The following GSE1 variants were observed in gnomAD, a reference collection of about 807,000 sequenced individuals.
The protein encoded by GSE1 is Gse1 coiled-coil protein.
GSE1 carries 32 observed loss-of-function variants against 112.6 expected under a neutral mutation model. The observed-to-expected ratio is 0.28, with a 90% confidence interval of 0.21 to 0.38. The LOEUF is 0.38. Among genes scored for constraint, GSE1 ranks in the 10% least tolerant of loss-of-function variants. The probability of loss-of-function intolerance (pLI) is 1.00; values close to 1 mark genes in which losing one functional copy is unlikely to be tolerated. For synonymous variants in GSE1, 1,115 were observed against 735.6 expected, an observed-to-expected ratio of 1.52 and a Z score of -8.35; for missense variants, 2,348 against 1,699.2, an observed-to-expected ratio of 1.38 and a Z score of -6.71.
intron 14 of GSE1, among the ~76,000 whole-genome samples, chr16:85,669,824 T>G (rs777723347): frequency 6.6e-6 from 1 of 152,230 alleles, no homozygotes; most frequent in Non-Finnish European, 1.5e-5. Context: ...CCAGTTGTCC[T>G]GGCAATGTGT....
intron 1 of GSE1, among the ~76,000 whole-genome samples, chr16:85,279,694 G>C (rs1315803081): frequency 6.6e-6 from 1 of 152,152 alleles, no homozygotes; most frequent in African/African-American, 2.4e-5. Context: ...GTGCTGCCCG[G>C]CCTGCTCCAT....
intron 2 of GSE1, among the ~76,000 whole-genome samples, chr16:85,429,822 T>A (rs1459121736): frequency 6.6e-6 from 1 of 152,204 alleles, no homozygotes. Flanking sequence ...ATTCCTCGAT[T>A]TTCCATTTTT....
intron 1 of GSE1, among the ~76,000 whole-genome samples, chr16:85,237,937 G>T (rs1285991694): frequency 6.6e-6 from 1 of 152,216 alleles, no homozygotes; most frequent in Non-Finnish European, 1.5e-5. Context: ...CATGAACAGG[G>T]CCTGGGACAT....
At chr16:85,229,712 G>A (rs1345003883) in intron 1 of GSE1, among the ~76,000 whole-genome samples, 1 of 152,230 alleles carries the variant, frequency 6.6e-6, no homozygotes, top group African/African-American at 2.4e-5. Flanking sequence ...CCAATATTCA[G>A]TGAGAGTGGA....
intron 3 of GSE1, among the ~76,000 whole-genome samples, chr16:85,653,766 C>T (rs1328599746): frequency 6.6e-6 from 1 of 152,218 alleles, no homozygotes; most frequent in African/African-American, 2.4e-5. Flanking sequence ...TTCCTTTGCC[C>T]CTGCCCTCCA....
chr16:85,624,969 G>A (rs1461089593), intron 1 of GSE1, among the ~76,000 whole-genome samples: 1 of 152,226 alleles, frequency 6.6e-6, no homozygotes. Flanking sequence ...CTTACGTAAA[G>A]GGAAGTAAGG....
intron 13 of GSE1, 27 bp from the exon 14 acceptor site, chr16:85,668,113 C>G: frequency 6.5e-7 from 1 of 1,527,840 alleles, no homozygotes; most frequent in Non-Finnish European, 8.8e-7. Flanking sequence ...CCCCAACACA[C>G]TGATGCAAGC....
At position 85,257,457 on chromosome 16, in the gene GSE1, T is replaced by C. The variant is rs1907207465; in HGVS notation, c.2283+85650T>C. Among the ~76,000 whole-genome samples the C allele has an allele frequency of 3.3e-5, 5 of 152,220 alleles. No individual in the cohort carries two copies. In the South Asian group the frequency reaches 1.0e-3, roughly 32 times the overall value. On this transcript the variant is annotated intron_variant, in intron 1 of 2. Transcript: ENST00000637419. ...ATTTCCCCAGGAGCTCATTCCCTTA[T>C]ATTTTATCCAACTTCAAGCCGGAGC... is the stretch of plus-strand genomic sequence containing the variant.
intron 1 of GSE1, among the ~76,000 whole-genome samples, chr16:85,230,722 TA>T (rs1904276779): frequency 6.6e-6 from 1 of 152,112 alleles, no homozygotes. Context: ...GCCGTGTGTA[TA>T]AAGGGGGAAA....
At position 85,675,060 on chromosome 16, in the gene GSE1, T is replaced by A. The variant is rs182195742; in HGVS notation, c.*2521T>A. 6.6e-5 allele frequency: 10 copies of A among 152,486 alleles called. No homozygotes were observed. The highest frequency in any genetic ancestry group is 1.2e-4 in the Non-Finnish European group (8 of 68,028). 9.4% of individuals were successfully genotyped at this position (152,486 alleles called of 1,614,324 possible). On this transcript the variant is annotated 3_prime_UTR_variant, in exon 16 of 16. Coordinates refer to ENST00000253458, the MANE Select transcript of GSE1 (RefSeq NM_014615.5). ...ATGGTTTCCCCATCCAACTATTAGT[T>A]TCATACTTTGAAAACTTACTTTCAG...
At chr16:85,335,240 G>C (rs1037386477) in intron 1 of GSE1, among the ~76,000 whole-genome samples, 1 of 152,246 alleles carries the variant, frequency 6.6e-6, no homozygotes, top group Non-Finnish European at 1.5e-5. Flanking sequence ...TCTGAGCCCG[G>C]GGGTGAGCGG....
intron 2 of GSE1, among the ~76,000 whole-genome samples, chr16:85,431,054 C>T (rs1387928920): frequency 7.0e-6 from 1 of 142,328 alleles, no homozygotes; most frequent in Non-Finnish European, 1.6e-5. Flanking sequence ...GAGTGCAGCT[C>T]AGGTTGAAAG....
chr16:85,365,887 C>T (rs1323456333), intron 2 of GSE1, among the ~76,000 whole-genome samples: 1 of 152,192 alleles, frequency 6.6e-6, no homozygotes, highest in Non-Finnish European at 1.5e-5. Context: ...TGCTATGTGG[C>T]AGATCGCCTC....
At chr16:85,265,713 A>G (rs1489664035) in intron 1 of GSE1, among the ~76,000 whole-genome samples, 1 of 152,064 alleles carries the variant, frequency 6.6e-6, no homozygotes, top group Non-Finnish European at 1.5e-5. Flanking sequence ...TGAGGGAGGA[A>G]TGTTTTGATC....
chr16:85,175,859 G>T (rs1200357450), intron 1 of GSE1, among the ~76,000 whole-genome samples: 1 of 152,170 alleles, frequency 6.6e-6, no homozygotes, highest in African/African-American at 2.4e-5. Flanking sequence ...CGTAAATAAG[G>T]AAATAAGTTC....
chr16:85,424,268 C>T (rs563016132), intron 2 of GSE1, among the ~76,000 whole-genome samples: 28 of 152,396 alleles, frequency 1.8e-4, no homozygotes, highest in Non-Finnish European at 4.4e-5. Flanking sequence ...CCGGTGCCAG[C>T]GTACAGACAT....
chr16:85,263,692 C>T (rs1036628832), intron 1 of GSE1, among the ~76,000 whole-genome samples: 2 of 152,026 alleles, frequency 1.3e-5, no homozygotes, highest in East Asian at 1.9e-4. Flanking sequence ...CCCGCCTCAG[C>T]CTCCCAAGTA....
rs1215399978 is a variant in GSE1, at chr16:85,390,469, T to C, written c.2464+32826T>C. Among the ~76,000 whole-genome samples, 4 of 152,268 alleles carry C rather than the reference T, an allele frequency of 2.6e-5. No individual in the cohort carries two copies. In the East Asian group the frequency reaches 7.7e-4, roughly 29 times the overall value. ...GCCCTAATTCTAAGAGCTAGCTTCG[T>C]GTCCCTCCATATAACAATATGATGG... is the stretch of plus-strand genomic sequence containing the variant. On this transcript the variant is annotated intron_variant, in intron 2 of 2. Transcript: ENST00000637419.
chr16:85,351,665 A>G (rs952645564), intron 1 of GSE1, among the ~76,000 whole-genome samples: 5 of 152,224 alleles, frequency 3.3e-5, no homozygotes, highest in African/African-American at 9.6e-5. Context: ...ATTGTATAGT[A>G]TGTGAGTTGT....
Sources: allele counts gnomAD v4.1 joint callset (sites outside exome capture counted in the v4.1 genomes callset), GRCh38; gene constraint gnomAD v4.1.1; transcripts MANE v1.5; gene names NCBI Gene and HGNC (gene_info 2026-07-23, HGNC 2026-07-21).